SMIM13: variants seen among roughly 807,000 people sequenced by gnomAD.
The protein encoded by SMIM13 is UPF0766 protein C6orf228.
Under a neutral mutation model 5.9 loss-of-function variants are expected in SMIM13, and 3 were observed. That is an observed-to-expected ratio of 0.51 (90% CI 0.23 to 1.31). The LOEUF (loss-of-function observed/expected upper bound fraction) is 1.31. Ranked by LOEUF, SMIM13 falls within the 40% of genes most tolerant of loss-of-function variation. The probability of loss-of-function intolerance (pLI) is 0.18; values close to 1 mark genes in which losing one functional copy is unlikely to be tolerated. For synonymous variants in SMIM13, 55 were observed against 46.0 expected (o/e 1.19, Z -0.79); for missense variants, 85 against 109.9 (o/e 0.77, Z 1.01).
intron 1 of SMIM13, among the ~76,000 whole-genome samples, chr6:11,124,271 C>T (rs998497801): frequency 6.6e-6 from 1 of 152,198 alleles, no homozygotes; most frequent in Non-Finnish European, 1.5e-5. Context: ...CTGTGCTTGG[C>T]TTATTTTATT....
Position 11,107,468 on chromosome 6 carries a change from A to G in SMIM13, c.76+13079A>G, listed in dbSNP as rs574960003. Among the ~76,000 whole-genome samples, 50 of 152,300 alleles carry G rather than the reference A, an allele frequency of 3.3e-4. No homozygotes were observed. In the South Asian group the frequency reaches 4.6e-3, roughly 14 times the overall value. Reference sequence around the variant, plus strand: ...CTCCTCTCAAGACTTAGGTCCTGCAAATCTCTAGCCAGGGCTTGCCCAGAC... The same window carrying G: ...CTCCTCTCAAGACTTAGGTCCTGCAGATCTCTAGCCAGGGCTTGCCCAGAC... On this transcript the variant is annotated intron_variant, in intron 1 of 1. Coordinates refer to ENST00000416247, the MANE Select transcript of SMIM13 (RefSeq NM_001135575.2).
intron 1 of SMIM13, among the ~76,000 whole-genome samples, chr6:11,119,049 G>C (rs1239258926): frequency 6.6e-6 from 1 of 152,302 alleles, no homozygotes; most frequent in East Asian, 1.9e-4. Context: ...ATCTAGGATA[G>C]AGAATGACAC....
At chr6:11,119,451 G>A (rs1283229992) in intron 1 of SMIM13, among the ~76,000 whole-genome samples, 3 of 152,092 alleles carry the variant, frequency 2.0e-5, no homozygotes, top group East Asian at 3.9e-4. Context: ...TCAGGAGATC[G>A]AGACCATCCT....
intron 1 of SMIM13, among the ~76,000 whole-genome samples, chr6:11,119,964 T>G (rs1758290008): frequency 6.6e-6 from 1 of 152,202 alleles, no homozygotes; most frequent in African/African-American, 2.4e-5. Flanking sequence ...AGAGCTTGGC[T>G]TACTTGGTTT....
intron 1 of SMIM13, among the ~76,000 whole-genome samples, chr6:11,095,714 C>T (rs774876782): frequency 2.9e-4 from 44 of 152,216 alleles, no homozygotes; most frequent in Non-Finnish European, 5.1e-4. Context: ...TTCTAATTTA[C>T]AGCCTTTCTT....
At chr6:11,128,008 A>G (rs921787951) in intron 1 of SMIM13, among the ~76,000 whole-genome samples, 4 of 152,100 alleles carry the variant, frequency 2.6e-5, no homozygotes, top group African/African-American at 9.7e-5. Flanking sequence ...TTGGTATTCT[A>G]TCCCACTGTA....
intron 1 of SMIM13, among the ~76,000 whole-genome samples, chr6:11,128,729 T>C (rs1758410645): frequency 6.6e-6 from 1 of 152,050 alleles, no homozygotes; most frequent in Non-Finnish European, 1.5e-5. Flanking sequence ...AATTTCCCTA[T>C]GGTTAGGACT....
chr6:11,130,262 A>AC (rs1171643215), intron 1 of SMIM13, among the ~76,000 whole-genome samples: 40 of 144,314 alleles, frequency 2.8e-4, no homozygotes, highest in East Asian at 2.1e-3. Flanking sequence ...GTAAAAAAAA[A>AC]AAAAAAACAA....
Position 11,118,650 on chromosome 6 carries a change from G to A in SMIM13, c.77-15753G>A, listed in dbSNP as rs191499379. Reference sequence around the variant, plus strand: ...TAGGTCATATTGAGGTAATAGTATTGTAGAACGATCTAAAAGTTATATATT... The same window carrying A: ...TAGGTCATATTGAGGTAATAGTATTATAGAACGATCTAAAAGTTATATATT... On this transcript the variant is annotated intron_variant, in intron 1 of 1. Transcript: ENST00000416247. Among the ~76,000 whole-genome samples the A allele has an allele frequency of 1.2e-4, 18 of 152,302 alleles. No individual in the cohort carries two copies. The East Asian group carries it at 3.3e-3, about 28-fold the overall frequency.
chr6:11,104,719 T>C, intron 1 of SMIM13: 1 of 1,614,250 alleles, frequency 6.2e-7, no homozygotes, highest in Non-Finnish European at 8.5e-7. Flanking sequence ...CTGCATGAGC[T>C]TGGGCGTCCC....
At position 11,116,313 on chromosome 6, in the gene SMIM13, C is replaced by T. The variant is rs374327174; in HGVS notation, c.77-18090C>T. ...GGATTATAGGCATGAGCCATTGCTCCTGGCCAGCTTTGCCATGTTCTGTTG... is the reference window on the plus strand; with the variant it reads ...GGATTATAGGCATGAGCCATTGCTCTTGGCCAGCTTTGCCATGTTCTGTTG... On this transcript the variant is annotated intron_variant, in intron 1 of 1. Transcript: ENST00000416247. Among the ~76,000 whole-genome samples the T allele has an allele frequency of 2.0e-5, 3 of 152,214 alleles. No individual in the cohort carries two copies. In the East Asian group the frequency reaches 5.8e-4, roughly 29 times the overall value.
In SMIM13 at chr6:11,131,191, G is replaced by A. The variant is rs1183425763; in HGVS notation, c.77-3212G>A. ...CCATGTTAATTTAGGCCAATTAATG[G>A]CATTGAGGTATTTACAAAATATAAG... On this transcript the variant is annotated intron_variant, in intron 1 of 1. Transcript: ENST00000416247. 2.0e-5 allele frequency among the ~76,000 whole-genome samples: 3 copies of A among 152,054 alleles called. No homozygotes were observed. In the East Asian group the frequency reaches 5.8e-4, roughly 29 times the overall value.
chr6:11,127,207 G>A (rs948767140), intron 1 of SMIM13, among the ~76,000 whole-genome samples: 3 of 152,214 alleles, frequency 2.0e-5, no homozygotes, highest in African/African-American at 7.2e-5. Context: ...TCAGGCTTCT[G>A]TCCTTCCCAT....
chr6:11,098,655 A>T (rs576269697), intron 1 of SMIM13, among the ~76,000 whole-genome samples: 1 of 150,956 alleles, frequency 6.6e-6, no homozygotes, highest in African/African-American at 2.4e-5. Context: ...CTTGTCTTGA[A>T]CTCCTGACCT....
Position 11,134,626 on chromosome 6 carries a change from A to C in SMIM13, c.*24A>C, listed in dbSNP as rs1299070190. ...AGTCCTGTACTTGTGAAGGATGAAA[A>C]GGCAGTTGCCAGCTTCTGTCTTTTA... On this transcript the variant is annotated 3_prime_UTR_variant, in exon 2 of 2. Coordinates refer to ENST00000416247, the MANE Select transcript of SMIM13 (RefSeq NM_001135575.2). The C allele has an allele frequency of 7.0e-7, 1 of 1,424,990 alleles. No individual in the cohort carries two copies. Among genetic ancestry groups the C allele is most frequent in the Non-Finnish European group, 9.3e-7 (1 of 1,078,960 alleles). 88.3% of individuals were successfully genotyped at this position (1,424,990 alleles called of 1,614,324 possible).
At chr6:11,116,978 G>GTT (rs1561756849) in intron 1 of SMIM13, among the ~76,000 whole-genome samples, 10 of 67,730 alleles carry the variant, frequency 1.5e-4, no homozygotes, top group East Asian at 9.9e-4. Context: ...AATGATAATT[G>GTT]TTTCTTTTTT....
intron 1 of SMIM13, among the ~76,000 whole-genome samples, chr6:11,117,822 T>C (rs997500753): frequency 3.3e-5 from 5 of 151,920 alleles, no homozygotes; most frequent in African/African-American, 1.2e-4. Context: ...AGATCTCCGC[T>C]CACTGCGACC....
intron 1 of SMIM13, among the ~76,000 whole-genome samples, chr6:11,124,702 A>G (rs1758353636): frequency 6.6e-6 from 1 of 152,200 alleles, no homozygotes; most frequent in African/African-American, 2.4e-5. Flanking sequence ...CCTTTGGATA[A>G]AAGCCATTTT....
In SMIM13 at chr6:11,136,137, A is replaced by G. The variant is rs1239994750; in HGVS notation, c.*1535A>G. 1 of 152,220 alleles carries G rather than the reference A, an allele frequency of 6.6e-6. No individual in the cohort carries two copies. Among genetic ancestry groups the G allele is most frequent in the Non-Finnish European group, 1.5e-5 (1 of 68,034 alleles). 9.4% of individuals were successfully genotyped at this position (152,220 alleles called of 1,614,324 possible). A position where few individuals can be genotyped will look rare whatever the true frequency, so the allele number is the denominator to read the frequency against. On this transcript the variant is annotated 3_prime_UTR_variant, in exon 2 of 2. Transcript: ENST00000416247. ...CTTTGTATAGGAGGACTTTATGCTC[A>G]AGGAATGTGTTGTGGAGAAAAACAC...
Sources: allele counts gnomAD v4.1 joint callset (sites outside exome capture counted in the v4.1 genomes callset), GRCh38; gene constraint gnomAD v4.1.1; transcripts MANE v1.5; gene names NCBI Gene and HGNC (gene_info 2026-07-23, HGNC 2026-07-21).